Variants in KCNIP4 observed in about 807,000 individuals in gnomAD.
KCNIP4 encodes potassium voltage-gated channel interacting protein 4.
A neutral mutation model predicts 34.0 loss-of-function variants in KCNIP4; 12 were observed. The observed-to-expected ratio is 0.35, with a 90% CI of 0.23 to 0.57. The LOEUF is 0.57. Ranked by LOEUF, KCNIP4 falls within the 20% of genes least tolerant of loss-of-function variation. The pLI is 0.83. For missense variants in KCNIP4, 238 were observed against 311.7 expected, an observed-to-expected ratio of 0.76 and a Z score of 1.78; for synonymous variants, 124 against 102.2, an observed-to-expected ratio of 1.21 and a Z score of -1.29.
At chr4:21,578,610 A>G (rs1400997634) in intron 1 of KCNIP4, among the ~76,000 whole-genome samples, 2 of 152,266 alleles carry the variant, frequency 1.3e-5, no homozygotes, top group East Asian at 1.9e-4. Context: ...CCAAGACTGC[A>G]TTAGAATAAA....
intron 3 of KCNIP4, among the ~76,000 whole-genome samples, chr4:20,764,681 G>GACACACACACACACACACACAC (rs5856578): frequency 6.8e-6 from 1 of 147,108 alleles, no homozygotes; most frequent in Admixed American, 6.8e-5. Flanking sequence ...ATGGGAATTG[G>GACACACACACACACACACACAC]ACACACACAC....
At chr4:20,854,535 G>A (rs1019619484) in intron 2 of KCNIP4, among the ~76,000 whole-genome samples, 14 of 152,144 alleles carry the variant, frequency 9.2e-5, no homozygotes, top group Admixed American at 7.2e-4. Context: ...CAAATATTGT[G>A]CAGTGTATAC....
At chr4:20,905,605 A>AGT (rs1364252736) in intron 1 of KCNIP4, among the ~76,000 whole-genome samples, 3 of 140,338 alleles carry the variant, frequency 2.1e-5, no homozygotes, top group Admixed American at 1.6e-4. Flanking sequence ...TCTACCTCCC[A>AGT]GTGTCAAGTG....
chr4:21,228,227 A>G (rs575332322), intron 1 of KCNIP4, among the ~76,000 whole-genome samples: 2 of 152,150 alleles, frequency 1.3e-5, no homozygotes, highest in Admixed American at 1.3e-4. Context: ...CTTCCTCCTT[A>G]CTGTTCTCAT....
intron 1 of KCNIP4, among the ~76,000 whole-genome samples, chr4:21,009,332 T>A (rs12647868): frequency 0.049 from 7,489 of 152,288 alleles, 239 homozygotes; most frequent in Admixed American, 0.082. Flanking sequence ...GCTTTGCAAG[T>A]GAGTGTCAAT....
At chr4:21,361,966 A>G (rs560858243) in intron 1 of KCNIP4, among the ~76,000 whole-genome samples, 1 of 152,182 alleles carries the variant, frequency 6.6e-6, no homozygotes, top group South Asian at 2.1e-4. Flanking sequence ...ACACCGTCAG[A>G]GAATAAACTC....
At chr4:21,045,078 T>G (rs904470053) in intron 1 of KCNIP4, among the ~76,000 whole-genome samples, 4 of 152,192 alleles carry the variant, frequency 2.6e-5, no homozygotes, top group Non-Finnish European at 5.9e-5. Context: ...GACGCATAAT[T>G]TTTGCTTTTA....
At chr4:21,704,591 A>C (rs539897347) in intron 1 of KCNIP4, among the ~76,000 whole-genome samples, 1 of 152,326 alleles carries the variant, frequency 6.6e-6, no homozygotes, top group Non-Finnish European at 1.5e-5. Context: ...ACAGATGGCA[A>C]GTAAGCACAT....
chr4:21,876,430 G>A (rs944141380), intron 1 of KCNIP4, among the ~76,000 whole-genome samples: 3 of 152,046 alleles, frequency 2.0e-5, no homozygotes, highest in African/African-American at 7.2e-5. Context: ...TTCTATTGGT[G>A]GGTCCTGGGT....
chr4:21,199,706 A>C (rs1756326326), intron 1 of KCNIP4, among the ~76,000 whole-genome samples: 1 of 152,208 alleles, frequency 6.6e-6, no homozygotes, highest in Non-Finnish European at 1.5e-5. Context: ...TTTTAAGTCT[A>C]ATATAAATCA....
chr4:21,692,661 T>C (rs553287187), intron 1 of KCNIP4, among the ~76,000 whole-genome samples: 1 of 152,162 alleles, frequency 6.6e-6, no homozygotes, highest in East Asian at 1.9e-4. Context: ...CTTTAAGAAA[T>C]ATAATCTTGT....
At chr4:21,940,308 A>C (rs987748622) in intron 1 of KCNIP4, among the ~76,000 whole-genome samples, 1 of 152,154 alleles carries the variant, frequency 6.6e-6, no homozygotes, top group Non-Finnish European at 1.5e-5. Flanking sequence ...ATAGGTCCCC[A>C]AAGAGTAAAA....
chr4:21,888,930 A>G (rs1357139848), intron 1 of KCNIP4, among the ~76,000 whole-genome samples: 1 of 152,142 alleles, frequency 6.6e-6, no homozygotes, highest in Non-Finnish European at 1.5e-5. Context: ...AGCATATCGA[A>G]TCTGAAAACC....
intron 1 of KCNIP4, among the ~76,000 whole-genome samples, chr4:21,263,627 AC>A (rs1560229868): frequency 1.3e-5 from 2 of 152,136 alleles, no homozygotes; most frequent in African/African-American, 4.8e-5. Context: ...CTCTAAGACA[AC>A]TTGTATAACT....
intron 1 of KCNIP4, among the ~76,000 whole-genome samples, chr4:20,946,399 C>A (rs773933849): frequency 1.3e-5 from 2 of 152,036 alleles, no homozygotes; most frequent in Non-Finnish European, 2.9e-5. Flanking sequence ...AGAGAGAAGG[C>A]CTGAGTGGTC....
chr4:21,230,507 C>G (rs913956933), intron 1 of KCNIP4, among the ~76,000 whole-genome samples: 1 of 152,118 alleles, frequency 6.6e-6, no homozygotes, highest in Admixed American at 6.5e-5. Context: ...TCTCCCTAAT[C>G]CCCTGACAGG....
chr4:20,791,575 A>G (rs1313442757), intron 3 of KCNIP4, among the ~76,000 whole-genome samples: 1 of 152,226 alleles, frequency 6.6e-6, no homozygotes, highest in Non-Finnish European at 1.5e-5. Context: ...ATGAAGAAAT[A>G]TAATATCATT....
rs893436937 is a variant in KCNIP4 at position 21,456,230 on chromosome 4, T to C, written c.61+492341A>G. 1.1e-4 allele frequency among the ~76,000 whole-genome samples: 16 copies of C among 147,324 alleles called. 2 individuals carry two copies. The highest frequency in any genetic ancestry group is 4.3e-4 in the African/African-American group (16 of 37,592). ...TTTCCCCAAATCCATACAGCAAAAA[T>C]AAGGGCAGAGCAAGCCATCTGCCCT... is the stretch of plus-strand genomic sequence containing the variant. On this transcript the variant is annotated intron_variant, in intron 1 of 8. Coordinates refer to ENST00000382152, the MANE Select transcript of KCNIP4 (RefSeq NM_025221.6).
At chr4:21,236,368 T>C (rs1328480690) in intron 1 of KCNIP4, among the ~76,000 whole-genome samples, 1 of 152,206 alleles carries the variant, frequency 6.6e-6, no homozygotes, top group Admixed American at 6.5e-5. Flanking sequence ...TAACATTGTA[T>C]TGATACAACC....
Sources: allele counts gnomAD v4.1 joint callset (sites outside exome capture counted in the v4.1 genomes callset), GRCh38; gene constraint gnomAD v4.1.1; transcripts MANE v1.5; gene names NCBI Gene and HGNC (gene_info 2026-07-23, HGNC 2026-07-21).